The following MYOM2 variants were observed in gnomAD, a reference collection of about 807,000 sequenced individuals.
The protein encoded by MYOM2 is myomesin 2.
A neutral mutation model predicts 187.6 loss-of-function variants in MYOM2; 254 were observed. The ratio of observed to expected loss-of-function variants is 1.35; its 90% CI spans 1.22 to 1.50. The LOEUF (loss-of-function observed/expected upper bound fraction) is 1.50, where lower values mean the gene tolerates loss of function less well. Ranked by LOEUF, MYOM2 falls within the 40% of genes most tolerant of loss-of-function variation. The probability of loss-of-function intolerance (pLI) is 0.00; values close to 1 mark genes in which losing one functional copy is unlikely to be tolerated. For synonymous variants in MYOM2, 981 were observed against 753.8 expected, an observed-to-expected ratio of 1.30 and a Z score of -4.94; for missense variants, 2,796 against 1,924.0, an observed-to-expected ratio of 1.45 and a Z score of -8.48.
In MYOM2 at chr8:2,092,397, C is replaced by T. The variant is rs768968534; in HGVS notation, c.1880C>T (p.Ser627Leu). Residue 627 changes from serine to leucine, a missense_variant, in exon 16 of 37, where the codon TCG (serine) becomes TTG (leucine). Physicochemically the swap from Ser to Leu is moderately radical, Grantham distance 145 (BLOSUM62 -2). Coordinates refer to ENST00000262113, the MANE Select transcript of MYOM2 (RefSeq NM_003970.4). ...RVLASRNTKT[S>L]VVVQWDRPKH... ...CTTGCTTCCCGAAACACCAAGACGT[C>T]GGTGGTGGTGCAGTGGGACCGACCT... 36 of 1,614,032 alleles carry T rather than the reference C, an allele frequency of 2.2e-5. No individual in the cohort carries two copies. The highest frequency in any genetic ancestry group is 3.3e-5 in the Admixed American group (2 of 60,004).
intron 9 of MYOM2, among the ~76,000 whole-genome samples, 175 bp from the exon 10 acceptor site, chr8:2,073,164 G>A (rs547834228): frequency 1.3e-4 from 20 of 152,228 alleles, no homozygotes; most frequent in Non-Finnish European, 2.5e-4. Flanking sequence ...CTCAGTTCAC[G>A]CGTGTGCTTC....
At chr8:2,067,085 G>A (rs1819043334) in intron 6 of MYOM2, among the ~76,000 whole-genome samples, 1 of 152,192 alleles carries the variant, frequency 6.6e-6, no homozygotes, top group African/African-American at 2.4e-5. Context: ...AACTTCAGCA[G>A]GAGGGGAAAG....
In MYOM2 at chr8:2,145,241, G is replaced by C; in HGVS notation, c.*260G>C. On this transcript the variant is annotated 3_prime_UTR_variant, in exon 37 of 37. Transcript: ENST00000262113. ...CAGATGCCTGACAGAGAGTGGGTTG[G>C]CAGACAACACACTAGAATTTTCACG... 4 of 562,756 alleles carry C rather than the reference G, an allele frequency of 7.1e-6. No individual in the cohort carries two copies. The highest frequency in any genetic ancestry group is 1.2e-5 in the Non-Finnish European group (4 of 322,150). The allele number at this position is 562,756 out of a possible 1,614,324, so 34.9% of individuals were successfully genotyped here. A position where few individuals can be genotyped will look rare whatever the true frequency, so the allele number is the denominator to read the frequency against.
At chr8:2,059,278 G>C (rs376854801) in intron 6 of MYOM2, 33 bp downstream of exon 6, 1 of 1,593,986 alleles carries the variant, frequency 6.3e-7, no homozygotes, top group Admixed American at 1.7e-5. Context: ...GGACGCTGGC[G>C]TCCAGTAATC....
intron 32 of MYOM2, among the ~76,000 whole-genome samples, chr8:2,134,105 A>G (rs1018923834): frequency 1.3e-5 from 2 of 151,434 alleles, no homozygotes; most frequent in Admixed American, 6.6e-5. Context: ...ATGTAATACT[A>G]TTAACTCTGC....
intron 6 of MYOM2, among the ~76,000 whole-genome samples, chr8:2,067,166 C>T (rs950302504): frequency 6.6e-6 from 1 of 152,100 alleles, no homozygotes; most frequent in Non-Finnish European, 1.5e-5. Flanking sequence ...AATTTTTGAT[C>T]TAAGAAAATA....
chr8:2,083,587 G>C (rs956315226), intron 13 of MYOM2, among the ~76,000 whole-genome samples: 9 of 152,210 alleles, frequency 5.9e-5, no homozygotes, highest in Non-Finnish European at 1.3e-4. Flanking sequence ...TCTTACATGT[G>C]CCTAGTGGTG....
chr8:2,049,587 CT>C (rs912293570), intron 1 of MYOM2, among the ~76,000 whole-genome samples: 2 of 152,186 alleles, frequency 1.3e-5, no homozygotes, highest in Non-Finnish European at 2.9e-5. Flanking sequence ...GGTGGCACCC[CT>C]GGGGCTGTGC....
intron 8 of MYOM2, among the ~76,000 whole-genome samples, chr8:2,070,370 G>A (rs58283819): frequency 0.01 from 1,524 of 152,322 alleles, 12 homozygotes; most frequent in East Asian, 0.028. Flanking sequence ...GCTGGCCGCT[G>A]TGGGCGTGGC....
intron 32 of MYOM2, among the ~76,000 whole-genome samples, chr8:2,129,877 C>A (rs958233104): frequency 6.6e-6 from 1 of 151,924 alleles, no homozygotes. Context: ...TCGAGGAGTC[C>A]CCAAAACAGG....
intron 13 of MYOM2, chr8:2,085,047 C>G (rs955557955): frequency 4.6e-5 from 27 of 581,330 alleles, no homozygotes; most frequent in African/African-American, 4.3e-4. Flanking sequence ...TATGAACAGG[C>G]TTATATCTGT....
At chr8:2,056,536 A>T (rs1160245243) in intron 3 of MYOM2, among the ~76,000 whole-genome samples, 12 of 152,162 alleles carry the variant, frequency 7.9e-5, no homozygotes, top group Admixed American at 7.9e-4. Context: ...GTCCCTAAGG[A>T]CTGAAGATGC....
intron 32 of MYOM2, among the ~76,000 whole-genome samples, chr8:2,133,431 C>T (rs553793709): frequency 8.8e-4 from 134 of 152,294 alleles, no homozygotes; most frequent in African/African-American, 3.0e-3. Context: ...ACCACTGCCT[C>T]GGAGGCGCCG....
intron 21 of MYOM2, among the ~76,000 whole-genome samples, chr8:2,103,908 G>A (rs1796805668): frequency 6.6e-6 from 1 of 152,110 alleles, no homozygotes. Flanking sequence ...TGTTATGTGT[G>A]CATGTATGGA....
At chr8:2,053,910 C>G (rs985780879) in intron 3 of MYOM2, among the ~76,000 whole-genome samples, 10 of 152,146 alleles carry the variant, frequency 6.6e-5, no homozygotes, top group African/African-American at 2.2e-4. Flanking sequence ...GAAATCAGTT[C>G]TTTCCTCCTT....
chr8:2,047,311 A>C (rs1818341443), intron 1 of MYOM2, among the ~76,000 whole-genome samples: 1 of 152,178 alleles, frequency 6.6e-6, no homozygotes, highest in Admixed American at 6.5e-5. Flanking sequence ...GGTGAGGGAC[A>C]CTGGGGAAGT....
intron 32 of MYOM2, 135 bp downstream of exon 32, chr8:2,129,367 A>G: frequency 1.8e-6 from 1 of 564,296 alleles, no homozygotes; most frequent in Non-Finnish European, 3.2e-6. Flanking sequence ...TTGAGCAATG[A>G]TGACAACCTT....
intron 21 of MYOM2, among the ~76,000 whole-genome samples, chr8:2,105,004 C>A (rs2116796273): frequency 6.6e-6 from 1 of 152,286 alleles, no homozygotes; most frequent in East Asian, 1.9e-4. Context: ...TCTTGAACTC[C>A]TGAGCTCAAG....
intron 26 of MYOM2, 50 bp downstream of exon 26, chr8:2,116,154 A>G (rs1797237014): frequency 1.2e-6 from 2 of 1,601,710 alleles, no homozygotes; most frequent in Non-Finnish European, 1.7e-6. Flanking sequence ...TTCAAATGAA[A>G]TTCTTTTGAC....
Sources: gnomAD v4.1 joint callset for allele counts (sites outside exome capture counted in the v4.1 genomes callset) on GRCh38, gnomAD v4.1.1 for gene constraint, MANE v1.5 for transcripts, NCBI Gene and HGNC (gene_info 2026-07-23, HGNC 2026-07-21) for gene names.